The following PRKCE variants were observed in gnomAD, a reference collection of about 807,000 sequenced individuals.
The protein encoded by PRKCE is protein kinase C epsilon.
A neutral mutation model predicts 85.4 loss-of-function variants in PRKCE; 16 were observed. That is an observed-to-expected ratio of 0.19 (90% confidence interval 0.13 to 0.28). The LOEUF is 0.28. Among genes scored for constraint, PRKCE ranks in the 10% least tolerant of loss-of-function variants. The probability of loss-of-function intolerance (pLI) is 1.00; values close to 1 mark genes in which losing one functional copy is unlikely to be tolerated. For synonymous variants in PRKCE, 388 were observed against 371.5 expected (o/e 1.04, Z -0.51); for missense variants, 573 against 975.2 (o/e 0.59, Z 5.49).
intron 1 of PRKCE, among the ~76,000 whole-genome samples, chr2:45,787,909 C>T (rs1353780854): frequency 6.6e-6 from 1 of 152,186 alleles, no homozygotes; most frequent in African/African-American, 2.4e-5. Context: ...GCATTGCGAT[C>T]CTGCCAGCCA....
intron 1 of PRKCE, among the ~76,000 whole-genome samples, chr2:45,716,980 C>T (rs1471048569): frequency 6.6e-6 from 1 of 152,166 alleles, no homozygotes; most frequent in Admixed American, 6.5e-5. Flanking sequence ...GGGAACTGCT[C>T]CCATGATTCA....
chr2:45,939,948 GGGCT>G (rs1269510800), intron 2 of PRKCE, among the ~76,000 whole-genome samples: 1 of 152,150 alleles, frequency 6.6e-6, no homozygotes, highest in Admixed American at 6.5e-5. Context: ...TCACCATACT[GGGCT>G]GGCAGTGAAT....
chr2:46,115,266 A>G (rs1394902946), intron 11 of PRKCE, among the ~76,000 whole-genome samples: 1 of 152,236 alleles, frequency 6.6e-6, no homozygotes, highest in Non-Finnish European at 1.5e-5. Flanking sequence ...GCATTTCCAT[A>G]GGACAGACAT....
At chr2:46,110,256 G>A (rs1672126898) in intron 11 of PRKCE, among the ~76,000 whole-genome samples, 1 of 152,110 alleles carries the variant, frequency 6.6e-6, no homozygotes, top group Non-Finnish European at 1.5e-5. Context: ...ACAGATTGTG[G>A]ATAATTGGTG....
intron 2 of PRKCE, among the ~76,000 whole-genome samples, chr2:45,955,941 G>A (rs955046318): frequency 2.0e-5 from 3 of 152,094 alleles, no homozygotes; most frequent in African/African-American, 4.8e-5. Flanking sequence ...AAATTCTCCC[G>A]TTATCTTTCC....
chr2:46,007,619 G>C lies in PRKCE; in HGVS notation c.1221G>C (p.Glu407Asp). 3 of 1,599,804 alleles carry C rather than the reference G, an allele frequency of 1.9e-6. No individual in the cohort carries two copies. The highest frequency in any genetic ancestry group is 2.5e-6 in the Non-Finnish European group (3 of 1,179,972). ...AGGCCAAGCGCCTGGGCCTGGATGA[G>C]TTCAACTTCATCAAGGTGTTGGGCA... ...QGQAKRLGLD[E>D]FNFIKVLGKG... is the part of the protein sequence containing the mutation. Residue 407 changes from glutamate (E) to aspartate (D), a missense_variant, in exon 9 of 15, where the codon GAG becomes GAC. Physicochemically the swap from Glu to Asp is conservative, Grantham distance 45. This residue lies in a region of PRKCE where 117 missense variants were observed against 104.8 expected (regional missense o/e 1.12). Transcript: ENST00000306156.
At chr2:45,698,660 G>A (rs1678357134) in intron 1 of PRKCE, among the ~76,000 whole-genome samples, 1 of 152,168 alleles carries the variant, frequency 6.6e-6, no homozygotes, top group African/African-American at 2.4e-5. Context: ...GAAACAACAA[G>A]GATGAGGTCC....
chr2:46,023,420 C>T (rs2104893851), intron 10 of PRKCE, among the ~76,000 whole-genome samples: 1 of 152,378 alleles, frequency 6.6e-6, no homozygotes, highest in Non-Finnish European at 1.5e-5. Context: ...CTGACAGCCA[C>T]CCCTTTTCCC....
At chr2:45,664,172 T>G (rs1229929330) in intron 1 of PRKCE, among the ~76,000 whole-genome samples, 1 of 152,242 alleles carries the variant, frequency 6.6e-6, no homozygotes, top group Non-Finnish European at 1.5e-5. Flanking sequence ...ATAGGTCTGA[T>G]AGGGATGGAG....
intron 10 of PRKCE, among the ~76,000 whole-genome samples, chr2:46,019,117 G>A (rs1168399757): frequency 6.6e-6 from 1 of 152,252 alleles, no homozygotes; most frequent in East Asian, 1.9e-4. Flanking sequence ...TTAAATATGT[G>A]TGTATACAGC....
chr2:46,150,120 G>T (rs1290436414), intron 12 of PRKCE, among the ~76,000 whole-genome samples: 1 of 152,118 alleles, frequency 6.6e-6, no homozygotes, highest in Non-Finnish European at 1.5e-5. Context: ...AAAGTGCTAG[G>T]ATTACAGGTG....
chr2:45,788,049 T>A (rs1258321402), intron 1 of PRKCE, among the ~76,000 whole-genome samples: 1 of 152,178 alleles, frequency 6.6e-6, no homozygotes, highest in African/African-American at 2.4e-5. Flanking sequence ...TTCTCCCCCA[T>A]TTCAGGCCTC....
chr2:45,859,638 C>T (rs1312870042), intron 2 of PRKCE, among the ~76,000 whole-genome samples: 1 of 152,080 alleles, frequency 6.6e-6, no homozygotes, highest in Non-Finnish European at 1.5e-5. Context: ...GTGCATTTTT[C>T]TGTTGTTTTT....
intron 1 of PRKCE, among the ~76,000 whole-genome samples, chr2:45,663,879 C>A (rs1298321615): frequency 6.6e-6 from 1 of 152,004 alleles, no homozygotes; most frequent in Non-Finnish European, 1.5e-5. Context: ...GAATGCACTC[C>A]AGAAAAATTG....
At chr2:46,079,765 T>C (rs931285263) in intron 10 of PRKCE, among the ~76,000 whole-genome samples, 1 of 152,244 alleles carries the variant, frequency 6.6e-6, no homozygotes, top group East Asian at 1.9e-4. Flanking sequence ...AGCCTCTGGC[T>C]ATCCGTCACA....
intron 2 of PRKCE, among the ~76,000 whole-genome samples, chr2:45,868,160 A>G (rs1011237373): frequency 2.0e-5 from 3 of 151,106 alleles, no homozygotes; most frequent in Non-Finnish European, 3.0e-5. Flanking sequence ...AAACAAACAA[A>G]AAACAAACAA....
chr2:46,008,883 C>T (rs1442365070), intron 9 of PRKCE, among the ~76,000 whole-genome samples: 1 of 152,124 alleles, frequency 6.6e-6, no homozygotes, highest in Non-Finnish European at 1.5e-5. Context: ...TTTAGGTTAT[C>T]TCTTAGGAAA....
At chr2:45,916,637 A>G (rs542037321) in intron 2 of PRKCE, among the ~76,000 whole-genome samples, 15 of 152,174 alleles carry the variant, frequency 9.9e-5, no homozygotes, top group East Asian at 1.9e-4. Context: ...TCTTTAGCCA[A>G]TCGGGAATCT....
intron 1 of PRKCE, among the ~76,000 whole-genome samples, chr2:45,785,655 C>G (rs1274274553): frequency 1.3e-5 from 2 of 152,160 alleles, no homozygotes; most frequent in Admixed American, 6.5e-5. Context: ...ACGATCTGTT[C>G]TTCTGACTGG....
Sources: gnomAD v4.1 joint callset for allele counts (sites outside exome capture counted in the v4.1 genomes callset) on GRCh38, gnomAD v4.1.1 for gene constraint, gnomAD v4.1.1 regional missense constraint, MANE v1.5 for transcripts, NCBI Gene and HGNC (gene_info 2026-07-23, HGNC 2026-07-21) for gene names.